WASF3: variants seen among roughly 807,000 people sequenced by gnomAD.
The protein encoded by WASF3 is actin-binding protein WASF3.
A neutral mutation model predicts 46.6 loss-of-function variants in WASF3; 11 were observed. That is an observed-to-expected ratio of 0.24 (90% CI 0.15 to 0.39). The LOEUF is 0.39. WASF3 is among the 10% of genes least tolerant of loss of function. The pLI, the probability that WASF3 is intolerant of heterozygous loss-of-function variation, is 1.00. For missense variants in WASF3, 576 were observed against 669.8 expected, an observed-to-expected ratio of 0.86 and a Z score of 1.55; for synonymous variants, 242 against 259.7, an observed-to-expected ratio of 0.93 and a Z score of 0.65.
chr13:26,629,133 T>A (rs565192574), intron 2 of WASF3, among the ~76,000 whole-genome samples: 1 of 152,342 alleles, frequency 6.6e-6, no homozygotes, highest in South Asian at 2.1e-4. Flanking sequence ...TGCGATGATG[T>A]GTGGGGTCCA....
chr13:26,547,875 C>G, the WASF3 span, among the ~76,000 whole-genome samples: 1 of 152,268 alleles, frequency 6.6e-6, no homozygotes, highest in Non-Finnish European at 1.5e-5. Flanking sequence ...CCAGTGAGAA[C>G]ATTTTAGGGG....
At chr13:26,612,246 C>T (rs1441075978) in intron 1 of WASF3, among the ~76,000 whole-genome samples, 2 of 152,178 alleles carry the variant, frequency 1.3e-5, no homozygotes, top group African/African-American at 2.4e-5. Context: ...TTGGTACAGT[C>T]TTGCTGAGTG....
chr13:26,545,215 G>A, the WASF3 span, among the ~76,000 whole-genome samples: 2 of 152,176 alleles, frequency 1.3e-5, no homozygotes, highest in African/African-American at 4.8e-5. Context: ...CCCTTCCACT[G>A]TAGTAGCAAA....
chr13:26,593,073 A>G (rs1480712964), intron 1 of WASF3, among the ~76,000 whole-genome samples: 3 of 152,164 alleles, frequency 2.0e-5, no homozygotes, highest in Non-Finnish European at 4.4e-5. Flanking sequence ...CTGCCGTGCA[A>G]TATTGGTTCA....
At chr13:26,607,271 A>G (rs17084381) in intron 1 of WASF3, among the ~76,000 whole-genome samples, 8,926 of 152,216 alleles carry the variant, frequency 0.059, 685 homozygotes, top group African/African-American at 0.17. Flanking sequence ...TCTAATGCCT[A>G]ATAGTGGGCT....
chr13:26,559,328 A>G (rs937982352), intron 1 of WASF3, among the ~76,000 whole-genome samples: 25 of 152,250 alleles, frequency 1.6e-4, no homozygotes, highest in African/African-American at 5.8e-4. Flanking sequence ...TTCTAGAACT[A>G]TGTACATATA....
At chr13:26,571,297 C>T (rs1593371938) in intron 1 of WASF3, among the ~76,000 whole-genome samples, 1 of 152,084 alleles carries the variant, frequency 6.6e-6, no homozygotes, top group South Asian at 2.1e-4. Flanking sequence ...TTGAATTGGG[C>T]ATGGGTTTTG....
chr13:26,637,383 G>T (rs1025309285), intron 2 of WASF3, among the ~76,000 whole-genome samples: 1 of 152,042 alleles, frequency 6.6e-6, no homozygotes, highest in Non-Finnish European at 1.5e-5. Context: ...CTCTCTTAGG[G>T]CCCAGACCTG....
chr13:26,683,911 G>A (rs1883322085), intron 9 of WASF3, among the ~76,000 whole-genome samples: 1 of 152,180 alleles, frequency 6.6e-6, no homozygotes, highest in Admixed American at 6.5e-5. Flanking sequence ...GGTTGGTCGA[G>A]GGTCCCTGAC....
At chr13:26,681,980 T>C (rs1307792237) in intron 8 of WASF3, among the ~76,000 whole-genome samples, 1 of 152,216 alleles carries the variant, frequency 6.6e-6, no homozygotes, top group Non-Finnish European at 1.5e-5. Context: ...CCTGTCTGAA[T>C]GACAATCCTG....
chr13:26,678,398 T>C (rs1883127584), intron 7 of WASF3, among the ~76,000 whole-genome samples: 1 of 152,350 alleles, frequency 6.6e-6, no homozygotes, highest in East Asian at 1.9e-4. Context: ...GTATGCATTT[T>C]AGTGTATTTC....
the WASF3 span, among the ~76,000 whole-genome samples, chr13:26,543,687 C>T: frequency 1.3e-5 from 2 of 152,148 alleles, no homozygotes; most frequent in Admixed American, 1.3e-4. Flanking sequence ...CTCATGGCCA[C>T]GTGTCTGTAG....
chr13:26,595,702 A>C (rs1368387300), intron 1 of WASF3, among the ~76,000 whole-genome samples: 1 of 152,106 alleles, frequency 6.6e-6, no homozygotes, highest in Non-Finnish European at 1.5e-5. Flanking sequence ...CTTCATCTCT[A>C]TTAGTTGTAT....
the WASF3 span, among the ~76,000 whole-genome samples, chr13:26,550,325 C>T: frequency 3.3e-5 from 5 of 152,120 alleles, no homozygotes; most frequent in African/African-American, 1.2e-4. Context: ...TTGGTTCAGT[C>T]ATTTCCAGAT....
chr13:26,638,606 T>C (rs577141397), intron 2 of WASF3: 6 of 152,348 alleles, frequency 3.9e-5, no homozygotes, highest in African/African-American at 1.4e-4. Flanking sequence ...GTTTTTGTAA[T>C]TGCAAAGTAT....
the WASF3 span, among the ~76,000 whole-genome samples, chr13:26,541,168 G>T: frequency 1.3e-5 from 2 of 152,164 alleles, no homozygotes; most frequent in Admixed American, 1.3e-4. Flanking sequence ...TTGGGATCCT[G>T]GTTCTCAGAA....
chr13:26,678,853 TC>T (rs1222613277), intron 7 of WASF3, among the ~76,000 whole-genome samples: 3 of 151,490 alleles, frequency 2.0e-5, no homozygotes, highest in Non-Finnish European at 4.4e-5. Context: ...TGCCCGCCTG[TC>T]TACCCAAAAA....
chr13:26,600,638 T>G lies in WASF3; in HGVS notation c.-108-12323T>G, dbSNP rs148371076. On this transcript the variant is annotated intron_variant, in intron 1 of 9. Coordinates refer to ENST00000335327, the MANE Select transcript of WASF3 (RefSeq NM_006646.6). ...TTAGTAAGATGTTTCACAATGCTCA[T>G]GGGAGCTGGGGTGTCTCCGTTCTGC... Among the ~76,000 whole-genome samples, 145 of 152,348 alleles carry G rather than the reference T, an allele frequency of 9.5e-4. 1 individual carries two copies. The highest frequency in any genetic ancestry group is 3.4e-3 in the African/African-American group (141 of 41,586).
chr13:26,632,439 T>C (rs539525458), intron 2 of WASF3, among the ~76,000 whole-genome samples: 1 of 152,314 alleles, frequency 6.6e-6, no homozygotes, highest in South Asian at 2.1e-4. Flanking sequence ...TCATGTGGTT[T>C]TTGTCGTTGG....
Sources: gnomAD v4.1 joint callset for allele counts (sites outside exome capture counted in the v4.1 genomes callset) on GRCh38, gnomAD v4.1.1 for gene constraint, MANE v1.5 for transcripts, NCBI Gene and HGNC (gene_info 2026-07-23, HGNC 2026-07-21) for gene names.